Variants in CNBD1 observed in about 807,000 individuals in gnomAD.
CNBD1 encodes the protein cyclic nucleotide binding domain containing 1, also known as cyclic nucleotide-binding domain-containing protein 1.
Under a neutral mutation model 54.4 loss-of-function variants are expected in CNBD1, and 71 were observed. That is an observed-to-expected ratio of 1.30 (90% confidence interval 1.08 to 1.59). CNBD1 has a LOEUF of 1.59. Ranked by LOEUF, CNBD1 falls within the 40% of genes most tolerant of loss-of-function variation. The probability of loss-of-function intolerance (pLI) is 0.00; values close to 1 mark genes in which losing one functional copy is unlikely to be tolerated. For synonymous variants in CNBD1, 182 were observed against 170.7 expected, an observed-to-expected ratio of 1.07 and a Z score of -0.51; for missense variants, 659 against 518.0, an observed-to-expected ratio of 1.27 and a Z score of -2.64.
At chr8:87,174,727 C>A (rs1813162362) in intron 4 of CNBD1, among the ~76,000 whole-genome samples, 1 of 152,068 alleles carries the variant, frequency 6.6e-6, no homozygotes, top group African/African-American at 2.4e-5. Flanking sequence ...TATTTGGAAG[C>A]TTTTTCAGGT....
At chr8:87,278,809 C>T (rs1474671394) in intron 6 of CNBD1, among the ~76,000 whole-genome samples, 1 of 151,264 alleles carries the variant, frequency 6.6e-6, no homozygotes, top group East Asian at 1.9e-4. Context: ...TTGTGAAGTT[C>T]CTACATGTAT....
At chr8:87,020,981 G>A (rs1428792074) in intron 4 of CNBD1, among the ~76,000 whole-genome samples, 3 of 152,156 alleles carry the variant, frequency 2.0e-5, no homozygotes, top group African/African-American at 7.2e-5. Context: ...CAGATCTTCA[G>A]ACAACCTCAA....
At chr8:87,036,636 TC>T (rs1478675549) in intron 4 of CNBD1, among the ~76,000 whole-genome samples, 1 of 150,332 alleles carries the variant, frequency 6.7e-6, no homozygotes, top group African/African-American at 2.4e-5. Flanking sequence ...TCACAGGTGT[TC>T]CGTATAGTTT....
chr8:87,381,135 A>C (rs1455258942), intron 10 of CNBD1, among the ~76,000 whole-genome samples: 1 of 152,064 alleles, frequency 6.6e-6, no homozygotes, highest in Non-Finnish European at 1.5e-5. Flanking sequence ...CAAACCGTGC[A>C]ACTGATAAAG....
chr8:87,005,717 T>G (rs1298455595), intron 4 of CNBD1, among the ~76,000 whole-genome samples: 1 of 152,052 alleles, frequency 6.6e-6, no homozygotes, highest in African/African-American at 2.4e-5. Context: ...TCAAGTCTAT[T>G]GAAACAAAAA....
At chr8:87,336,994 G>A (rs1312394754) in intron 8 of CNBD1, among the ~76,000 whole-genome samples, 1 of 152,030 alleles carries the variant, frequency 6.6e-6, no homozygotes, top group Non-Finnish European at 1.5e-5. Flanking sequence ...TTCACTTCAG[G>A]TCCTATTCAT....
In CNBD1 at chr8:87,382,604, T is replaced by C. The variant is rs1455762676; in HGVS notation, c.1304-16T>C. On this transcript the variant is annotated splice_polypyrimidine_tract_variant and intron_variant, in intron 10 of 10. Transcript: ENST00000518476. The stretch of plus-strand genomic sequence containing the variant: ...TTTATTATGTAACTTCTTGTTTGTT[T>C]GTTTGCCTTTTGCAGTGGCCTAGAT... The C allele has an allele frequency of 1.3e-6, 2 of 1,537,828 alleles. No individual in the cohort carries two copies. The highest frequency in any genetic ancestry group is 2.4e-5 in the South Asian group (2 of 83,326).
At chr8:87,004,539 A>G (rs1250978120) in intron 4 of CNBD1, among the ~76,000 whole-genome samples, 1 of 151,730 alleles carries the variant, frequency 6.6e-6, no homozygotes, top group Non-Finnish European at 1.5e-5. Context: ...ATTAGTATTT[A>G]TCTAAAAAAA....
chr8:87,157,812 AT>A (rs1812777055), intron 4 of CNBD1, among the ~76,000 whole-genome samples: 1 of 152,114 alleles, frequency 6.6e-6, no homozygotes, highest in Admixed American at 6.6e-5. Flanking sequence ...AAAACAGTCT[AT>A]TTAATTTCTG....
intron 8 of CNBD1, among the ~76,000 whole-genome samples, chr8:87,348,057 A>T (rs1452528049): frequency 6.6e-6 from 1 of 152,134 alleles, no homozygotes; most frequent in Non-Finnish European, 1.5e-5. Context: ...ATAAGTGTAC[A>T]TTTATTTTTT....
At chr8:87,149,264 A>G (rs945579389) in intron 4 of CNBD1, among the ~76,000 whole-genome samples, 6 of 152,318 alleles carry the variant, frequency 3.9e-5, no homozygotes, top group African/African-American at 1.4e-4. Context: ...GTGGTTTGTC[A>G]CTGTACTAGA....
At chr8:87,261,562 A>G (rs1282311992) in intron 6 of CNBD1, among the ~76,000 whole-genome samples, 3 of 151,624 alleles carry the variant, frequency 2.0e-5, no homozygotes, top group Non-Finnish European at 4.4e-5. Flanking sequence ...AATGACATAC[A>G]TAAATCGGCA....
intron 4 of CNBD1, among the ~76,000 whole-genome samples, chr8:87,081,845 G>T (rs1156436283): frequency 1.3e-5 from 2 of 152,030 alleles, no homozygotes; most frequent in Non-Finnish European, 2.9e-5. Flanking sequence ...ATTCAAATAG[G>T]CTGATAATGT....
chr8:87,350,281 A>G (rs10097225), intron 8 of CNBD1, among the ~76,000 whole-genome samples: 42,762 of 151,952 alleles, frequency 0.28, 6,716 homozygotes, highest in Middle Eastern at 0.41. Flanking sequence ...AAGAGTTACC[A>G]TAAATTTTTA....
intron 5 of CNBD1, among the ~76,000 whole-genome samples, chr8:87,219,440 A>C (rs1814279347): frequency 6.6e-6 from 1 of 152,000 alleles, no homozygotes; most frequent in African/African-American, 2.4e-5. Context: ...AAATACTTAA[A>C]TACCCTTCAA....
chr8:87,416,818 A>T (rs1373907561), intron 2 of CNBD1, among the ~76,000 whole-genome samples: 1 of 152,066 alleles, frequency 6.6e-6, no homozygotes, highest in Admixed American at 6.6e-5. Context: ...ACAGATGAAG[A>T]TGTCACAAGA....
intron 8 of CNBD1, among the ~76,000 whole-genome samples, chr8:87,298,027 T>G (rs1808913569): frequency 6.6e-6 from 1 of 151,782 alleles, no homozygotes; most frequent in African/African-American, 2.4e-5. Flanking sequence ...AGCTTTATTA[T>G]TAATATAGAT....
intron 4 of CNBD1, among the ~76,000 whole-genome samples, chr8:87,160,045 A>G (rs1244549756): frequency 6.6e-6 from 1 of 151,982 alleles, no homozygotes; most frequent in Non-Finnish European, 1.5e-5. Context: ...TCATTCCTAG[A>G]TATATATACA....
At chr8:87,101,624 G>T (rs1811430559) in intron 4 of CNBD1, among the ~76,000 whole-genome samples, 1 of 152,002 alleles carries the variant, frequency 6.6e-6, no homozygotes, top group African/African-American at 2.4e-5. Flanking sequence ...GACATGAATG[G>T]TTTTATCTAC....
Sources: allele counts gnomAD v4.1 joint callset (sites outside exome capture counted in the v4.1 genomes callset), GRCh38; gene constraint gnomAD v4.1.1; transcripts MANE v1.5; gene names NCBI Gene and HGNC (gene_info 2026-07-23, HGNC 2026-07-21).